Variants in SGCD observed in about 807,000 individuals in gnomAD.
SGCD encodes delta-sarcoglycan.
In SGCD, 18 loss-of-function variants were observed where a neutral mutation model predicts 36.6. That is an observed-to-expected ratio of 0.49 (90% CI 0.34 to 0.73). The LOEUF (loss-of-function observed/expected upper bound fraction) is 0.73, where lower values mean the gene tolerates loss of function less well. Ranked by LOEUF, SGCD falls within the 30% of genes least tolerant of loss-of-function variation. SGCD has a pLI of 0.01. For missense variants in SGCD, 387 were observed against 346.7 expected (o/e 1.12, Z -0.92); for synonymous variants, 133 against 130.6 (o/e 1.02, Z -0.12).
At chr5:156,714,597 T>C (rs994190823) in intron 7 of SGCD, among the ~76,000 whole-genome samples, 2 of 152,198 alleles carry the variant, frequency 1.3e-5, no homozygotes, top group African/African-American at 4.8e-5. Context: ...TAAGCCTATG[T>C]TTCCCCTAGG....
chr5:156,754,402 G>A (rs866129131), intron 7 of SGCD, among the ~76,000 whole-genome samples: 7 of 152,100 alleles, frequency 4.6e-5, no homozygotes, highest in South Asian at 2.1e-4. Context: ...GAAGTAGACC[G>A]TTTAAATAAG....
At chr5:156,069,014 TGGATATTA>T (rs1477604992) in intron 1 of SGCD, among the ~76,000 whole-genome samples, 6 of 152,170 alleles carry the variant, frequency 3.9e-5, no homozygotes, top group Non-Finnish European at 8.8e-5. Flanking sequence ...TTGTAGATTC[TGGATATTA>T]GCCCTTTGTC....
At chr5:156,187,226 A>G (rs1006576190) in intron 3 of SGCD, among the ~76,000 whole-genome samples, 2 of 152,178 alleles carry the variant, frequency 1.3e-5, no homozygotes, top group African/African-American at 4.8e-5. Flanking sequence ...GGGTGACTGA[A>G]GATGGCTTCA....
intron 6 of SGCD, among the ~76,000 whole-genome samples, chr5:156,618,208 G>A (rs73299198): frequency 7.2e-5 from 11 of 152,184 alleles, no homozygotes; most frequent in African/African-American, 2.4e-4. Context: ...GAGAGCCTAC[G>A]AATCTAATAG....
intron 2 of SGCD, 78 bp from the exon 3 acceptor site, chr5:156,344,411 A>ATTT: frequency 4.2e-6 from 4 of 946,738 alleles, no homozygotes; most frequent in East Asian, 3.0e-5. Context: ...TCATCAGTTG[A>ATTT]TTTTTTTTTC....
intron 3 of SGCD, among the ~76,000 whole-genome samples, chr5:156,471,961 C>G (rs527368873): frequency 6.7e-6 from 1 of 149,510 alleles, no homozygotes; most frequent in African/African-American, 2.6e-5. Flanking sequence ...AAGACTTAAA[C>G]ACTGCACAAA....
chr5:156,297,736 A>G (rs1249802973), intron 3 of SGCD, among the ~76,000 whole-genome samples: 1 of 151,914 alleles, frequency 6.6e-6, no homozygotes, highest in East Asian at 1.9e-4. Context: ...ATGTATACCT[A>G]TGTAACTAAC....
At chr5:156,333,607 G>T (rs1056419170) in intron 2 of SGCD, among the ~76,000 whole-genome samples, 12 of 151,700 alleles carry the variant, frequency 7.9e-5, no homozygotes, top group Non-Finnish European at 1.6e-4. Flanking sequence ...AGAGATTTGG[G>T]GTAGATTACT....
intron 1 of SGCD, among the ~76,000 whole-genome samples, chr5:155,905,272 A>C (rs1047829152): frequency 1.3e-5 from 2 of 152,202 alleles, no homozygotes; most frequent in African/African-American, 4.8e-5. Context: ...CTGATGCAAA[A>C]GTCATGATAG....
chr5:156,708,295 A>G (rs78224700), intron 7 of SGCD, among the ~76,000 whole-genome samples: 1 of 151,238 alleles, frequency 6.6e-6, no homozygotes, highest in South Asian at 2.1e-4. Flanking sequence ...AAAAAAAAAA[A>G]GGAAATGAAA....
chr5:155,893,632 G>A (rs1418645827), intron 1 of SGCD, among the ~76,000 whole-genome samples: 1 of 152,156 alleles, frequency 6.6e-6, no homozygotes, highest in Non-Finnish European at 1.5e-5. Context: ...ACAAACAAGG[G>A]CACTTACCTG....
At chr5:155,911,882 T>TG (rs1756637211) in intron 1 of SGCD, among the ~76,000 whole-genome samples, 1 of 152,114 alleles carries the variant, frequency 6.6e-6, no homozygotes, top group South Asian at 2.1e-4. Context: ...CAGGATTTCT[T>TG]GGGGAAACAG....
At chr5:156,554,601 G>T (rs1486610455) in intron 4 of SGCD, among the ~76,000 whole-genome samples, 1 of 148,512 alleles carries the variant, frequency 6.7e-6, no homozygotes, top group Admixed American at 6.8e-5. Flanking sequence ...ATATATATAT[G>T]CATATAACAT....
At chr5:156,005,428 T>TTTGTTG (rs5872447) in intron 1 of SGCD, among the ~76,000 whole-genome samples, 273 of 150,612 alleles carry the variant, frequency 1.8e-3, no homozygotes, top group Admixed American at 3.5e-3. Flanking sequence ...GTCTTCAGTT[T>TTTGTTG]TTGTTGTTGT....
At chr5:156,645,609 C>G (rs1212076171) in intron 6 of SGCD, among the ~76,000 whole-genome samples, 5 of 152,068 alleles carry the variant, frequency 3.3e-5, no homozygotes, top group Non-Finnish European at 7.4e-5. Context: ...GAGGAGTGAT[C>G]AAAGGCATCA....
At chr5:156,619,052 G>A (rs546779104) in intron 6 of SGCD, among the ~76,000 whole-genome samples, 15 of 147,652 alleles carry the variant, frequency 1.0e-4, no homozygotes, top group East Asian at 9.9e-4. Flanking sequence ...CTGAGACAGC[G>A]TATCGCTCTG....
At chr5:156,307,552 GTT>G (rs1309569235) in intron 3 of SGCD, among the ~76,000 whole-genome samples, 1 of 48,444 alleles carries the variant, frequency 2.1e-5, no homozygotes, top group Non-Finnish European at 3.7e-5. Context: ...CATTTTAACT[GTT>G]GTTTTTTTTT....
At chr5:155,766,747 T>C in the SGCD span, among the ~76,000 whole-genome samples, 1 of 152,278 alleles carries the variant, frequency 6.6e-6, no homozygotes, top group East Asian at 1.9e-4. Flanking sequence ...TAGAACTCTA[T>C]AAGGTAATTA....
At chr5:156,570,665 G>A (rs1759681949) in intron 4 of SGCD, among the ~76,000 whole-genome samples, 1 of 152,146 alleles carries the variant, frequency 6.6e-6, no homozygotes, top group South Asian at 2.1e-4. Context: ...AGGGGTACAT[G>A]CACAGCATGT....
Sources: gnomAD v4.1 joint callset for allele counts (sites outside exome capture counted in the v4.1 genomes callset) on GRCh38, gnomAD v4.1.1 for gene constraint, MANE v1.5 for transcripts, NCBI Gene and HGNC (gene_info 2026-07-23, HGNC 2026-07-21) for gene names.